TRABD2B: variants seen among roughly 807,000 people sequenced by gnomAD.
The protein encoded by TRABD2B is TraB domain containing 2B, also known as metalloprotease TIKI2.
TRABD2B carries 14 observed loss-of-function variants against 40.1 expected under a neutral mutation model. That is an observed-to-expected ratio of 0.35 (90% CI 0.23 to 0.55). The LOEUF (loss-of-function observed/expected upper bound fraction) is 0.55. Ranked by LOEUF, TRABD2B falls within the 20% of genes least tolerant of loss-of-function variation. The pLI is 0.90. For missense variants in TRABD2B, 541 were observed against 648.6 expected (o/e 0.83, Z 1.80); for synonymous variants, 263 against 277.0 (o/e 0.95, Z 0.50).
chr1:47,932,000 C>T (rs1171797760), intron 2 of TRABD2B, among the ~76,000 whole-genome samples: 1 of 152,116 alleles, frequency 6.6e-6, no homozygotes, highest in African/African-American at 2.4e-5. Context: ...GGGTTTTGGG[C>T]CTGAATCATT....
rs1188411559 is a variant in TRABD2B at position 47,986,799 on chromosome 1, T to G, written c.666+7235A>C. ...CAACAGTTTTGTGTTCCAGCGGATA[T>G]AGTGCACAGATTTAAAAGCCTGTGG... On this transcript the variant is annotated intron_variant, in intron 2 of 6. Coordinates refer to ENST00000606738, the MANE Select transcript of TRABD2B (RefSeq NM_001194986.2). Among the ~76,000 whole-genome samples the G allele has an allele frequency of 5.9e-5, 9 of 152,256 alleles. No homozygotes were observed. In the East Asian group the frequency reaches 1.4e-3, roughly 23 times the overall value.
chr1:47,885,678 C>T (rs538174465), intron 2 of TRABD2B, among the ~76,000 whole-genome samples: 3 of 152,152 alleles, frequency 2.0e-5, no homozygotes, highest in South Asian at 2.1e-4. Context: ...GCTCGGTGGC[C>T]GGGACACTTG....
intron 4 of TRABD2B, among the ~76,000 whole-genome samples, chr1:47,787,043 C>T (rs1225340230): frequency 2.0e-5 from 3 of 152,092 alleles, no homozygotes; most frequent in African/African-American, 4.8e-5. Context: ...CCTATATGGA[C>T]GATGGCCGCT....
chr1:47,869,209 A>G (rs888764084), intron 2 of TRABD2B, among the ~76,000 whole-genome samples: 17 of 152,354 alleles, frequency 1.1e-4, no homozygotes, highest in South Asian at 6.2e-4. Context: ...ACATGTATAC[A>G]TATATACAAA....
chr1:47,897,486 C>G (rs572888960), intron 2 of TRABD2B, among the ~76,000 whole-genome samples: 2 of 152,062 alleles, frequency 1.3e-5, no homozygotes, highest in Non-Finnish European at 2.9e-5. Context: ...CTCTTCCACA[C>G]GGGGAGGACC....
At chr1:47,929,958 G>A (rs145661885) in intron 2 of TRABD2B, among the ~76,000 whole-genome samples, 3 of 152,298 alleles carry the variant, frequency 2.0e-5, no homozygotes, top group Middle Eastern at 3.4e-3. Flanking sequence ...ATGAAAAGAG[G>A]TGGTTACGTG....
chr1:47,796,907 C>T (rs1367359687), intron 3 of TRABD2B, among the ~76,000 whole-genome samples: 1 of 152,222 alleles, frequency 6.6e-6, no homozygotes, highest in Non-Finnish European at 1.5e-5. Flanking sequence ...GCCCATGACT[C>T]AGAGGAGTTA....
chr1:47,821,797 G>A (rs1298924308), intron 2 of TRABD2B, among the ~76,000 whole-genome samples: 1 of 152,048 alleles, frequency 6.6e-6, no homozygotes, highest in Non-Finnish European at 1.5e-5. Context: ...ATTCCAGGAT[G>A]CCCCTCAACC....
chr1:47,842,184 C>T (rs1419383624), intron 2 of TRABD2B, among the ~76,000 whole-genome samples: 1 of 152,192 alleles, frequency 6.6e-6, no homozygotes, highest in East Asian at 1.9e-4. Flanking sequence ...ATTTTAGCTT[C>T]CCTTTCTGAG....
chr1:47,769,725 C>G (rs757092250), intron 6 of TRABD2B, among the ~76,000 whole-genome samples: 25 of 152,252 alleles, frequency 1.6e-4, no homozygotes, highest in Non-Finnish European at 3.2e-4. Context: ...GAGGCCGCAT[C>G]GGCTCTGAGT....
chr1:47,817,846 G>C (rs539934345), intron 2 of TRABD2B, among the ~76,000 whole-genome samples: 2 of 152,318 alleles, frequency 1.3e-5, no homozygotes, highest in Admixed American at 1.3e-4. Flanking sequence ...GTGGGCCCAG[G>C]AGCAGGCCTG....
rs568084551 is a variant in TRABD2B at position 47,937,429 on chromosome 1, CCAT to C, written c.666+56602_666+56604del. Among the ~76,000 whole-genome samples, 175 of 151,806 alleles carry C rather than the reference CCAT, an allele frequency of 1.2e-3. 1 individual carries two copies. The highest frequency in any genetic ancestry group is 3.7e-3 in the African/African-American group (152 of 41,340). On this transcript the variant is annotated intron_variant, in intron 2 of 6. Coordinates refer to ENST00000606738, the MANE Select transcript of TRABD2B (RefSeq NM_001194986.2). ...ATCACTACTACCATCATGATCATCA[CCAT>C]CATCATCACTACTATCATCACCATC...
intron 2 of TRABD2B, among the ~76,000 whole-genome samples, chr1:47,906,262 A>G (rs1570258419): frequency 6.6e-6 from 1 of 152,318 alleles, no homozygotes; most frequent in Non-Finnish European, 1.5e-5. Context: ...TTGAAGAAAC[A>G]TAACTCATTT....
rs1285573291 is a variant in TRABD2B at position 47,996,852 on chromosome 1, G to A, written c.-63C>T. 3 of 1,158,232 alleles carry A rather than the reference G, an allele frequency of 2.6e-6. No individual in the cohort carries two copies. In the African/African-American group the frequency reaches 4.9e-5, roughly 19 times the overall value. The allele number at this position is 1,158,232 out of a possible 1,614,324, so 71.7% of individuals were successfully genotyped here. A position where few individuals can be genotyped will look rare whatever the true frequency, so the allele number is the denominator to read the frequency against. Reference sequence around the variant, plus strand: ...GCGGCGCCCCTCAGCGGGGCGGGGAGCCCCCAGTTGGGCACGGAGTTTCCT... The same window carrying A: ...GCGGCGCCCCTCAGCGGGGCGGGGAACCCCCAGTTGGGCACGGAGTTTCCT... On this transcript the variant is annotated 5_prime_UTR_variant, in exon 1 of 7. Transcript: ENST00000606738. This position sits in a 1 kb window ranked among gnomAD's most constrained non-coding sequence, Gnocchi z 4.6.
intron 2 of TRABD2B, among the ~76,000 whole-genome samples, chr1:47,970,889 A>G (rs1399697406): frequency 6.6e-6 from 1 of 152,220 alleles, no homozygotes; most frequent in Non-Finnish European, 1.5e-5. Context: ...CATGTCTGCT[A>G]GCGTCTCACT....
chr1:47,787,814 A>C (rs1644617031), intron 4 of TRABD2B, among the ~76,000 whole-genome samples: 1 of 152,108 alleles, frequency 6.6e-6, no homozygotes, highest in Non-Finnish European at 1.5e-5. Context: ...CAAGTGGGTA[A>C]TACGCACCTT....
In TRABD2B at chr1:47,873,191, C is replaced by T. The variant is rs1186723583; in HGVS notation, c.667-71572G>A. 2.0e-5 allele frequency among the ~76,000 whole-genome samples: 3 copies of T among 152,232 alleles called. No individual in the cohort carries two copies. In the East Asian group the frequency reaches 5.8e-4, roughly 30 times the overall value. ...TCATGACCTAATTGCCTCCCAAAGG[C>T]CCCACCCTAATACCATCACCTTGAA... On this transcript the variant is annotated intron_variant, in intron 2 of 6. Transcript: ENST00000606738.
intron 2 of TRABD2B, among the ~76,000 whole-genome samples, chr1:47,924,754 C>A (rs1258778235): frequency 6.6e-6 from 1 of 152,186 alleles, no homozygotes; most frequent in Non-Finnish European, 1.5e-5. Flanking sequence ...ACTCTGCTTG[C>A]AGTCACTTCT....
intron 2 of TRABD2B, among the ~76,000 whole-genome samples, chr1:47,869,361 T>C (rs982589230): frequency 1.3e-5 from 2 of 152,202 alleles, no homozygotes; most frequent in African/African-American, 4.8e-5. Context: ...TTTCCAGCAA[T>C]AGGTCTGCAA....
Sources: allele counts gnomAD v4.1 joint callset (sites outside exome capture counted in the v4.1 genomes callset), GRCh38; gene constraint gnomAD v4.1.1; non-coding constraint Gnocchi (gnomAD v3.1); transcripts MANE v1.5; gene names NCBI Gene and HGNC (gene_info 2026-07-23, HGNC 2026-07-21).